SSC5D: variants seen among roughly 807,000 people sequenced by gnomAD.
The protein encoded by SSC5D is scavenger receptor cysteine rich family member with 5 domains, also known as soluble scavenger receptor cysteine-rich domain-containing protein SSC5D.
Under a neutral mutation model 104.6 loss-of-function variants are expected in SSC5D, and 106 were observed. That is an observed-to-expected ratio of 1.01 (90% CI 0.87 to 1.19). SSC5D has a LOEUF of 1.19. SSC5D is among the 50% of genes most tolerant of loss of function. The probability of loss-of-function intolerance (pLI) is 0.00; values close to 1 mark genes in which losing one functional copy is unlikely to be tolerated. For synonymous variants in SSC5D, 860 were observed against 883.5 expected (o/e 0.97, Z 0.47); for missense variants, 1,993 against 2,153.8 (o/e 0.93, Z 1.48).
In SSC5D at chr19:55,493,728, A is replaced by G. The variant is rs2123433046; in HGVS notation, c.1029A>G (p.Arg343=). The change falls in exon 7 of 14, where the codon CGA becomes CGG. Residue 343 remains arginine (R), a synonymous_variant. Coordinates refer to ENST00000389623, the MANE Select transcript of SSC5D (RefSeq NM_001144950.2). The part of the protein sequence containing the change: ...WDLRDAAVAC[R]ELGCGGALAA... ...TGCGAGACGCCGCTGTGGCCTGCCGAGAGCTGGGCTGCGGAGGGGCGCTGG... is the reference window on the plus strand; with the variant it reads ...TGCGAGACGCCGCTGTGGCCTGCCGGGAGCTGGGCTGCGGAGGGGCGCTGG... 6.6e-7 allele frequency: 1 copy of G among 1,520,176 alleles called. No homozygotes were observed. 94.2% of individuals were successfully genotyped at this position (1,520,176 alleles called of 1,614,324 possible). A position where few individuals can be genotyped will look rare whatever the true frequency, so the allele number is the denominator to read the frequency against.
intron 12 of SSC5D, among the ~76,000 whole-genome samples, chr19:55,510,043 G>A (rs1406682583): frequency 6.6e-6 from 1 of 151,928 alleles, no homozygotes; most frequent in Non-Finnish European, 1.5e-5. Flanking sequence ...TGTCACCCAG[G>A]CTGGGGTGCA....
chr19:55,501,701 T>TC (rs1297754557), intron 12 of SSC5D, among the ~76,000 whole-genome samples: 1 of 152,074 alleles, frequency 6.6e-6, no homozygotes, highest in African/African-American at 2.4e-5. Flanking sequence ...CACAGCTCCA[T>TC]CCCCCTCTGC....
chr19:55,496,753 T>C (rs879683641), intron 8 of SSC5D, among the ~76,000 whole-genome samples: 3 of 148,026 alleles, frequency 2.0e-5, no homozygotes, highest in African/African-American at 7.4e-5. Flanking sequence ...TACCAGTCTT[T>C]TTTTTTTTTT....
chr19:55,508,566 T>G (rs1987688238), intron 12 of SSC5D, among the ~76,000 whole-genome samples: 1 of 152,164 alleles, frequency 6.6e-6, no homozygotes, highest in African/African-American at 2.4e-5. Context: ...GACTCCAGAT[T>G]CCACACCCTT....
At chr19:55,512,195 G>C (rs1987771812) in intron 12 of SSC5D, among the ~76,000 whole-genome samples, 1 of 14,734 alleles carries the variant, frequency 6.8e-5, no homozygotes, top group African/African-American at 1.9e-4. Flanking sequence ...GTGAGACTTG[G>C]TCTCAAAAAA....
Position 55,518,619 on chromosome 19 carries a change from C to G in SSC5D, c.4343C>G (p.Pro1448Arg), listed in dbSNP as rs756691075. The G allele has an allele frequency of 2.0e-6, 3 of 1,530,776 alleles. No individual in the cohort carries two copies. The South Asian group carries it at 3.7e-5, about 19-fold the overall frequency. 94.8% of individuals were successfully genotyped at this position (1,530,776 alleles called of 1,614,324 possible). Residue 1448 changes from proline to arginine, a missense_variant, in exon 14 of 14, where the codon CCC becomes CGC. Around this residue, in one of 6 missense-constraint regions of SSC5D, gnomAD observed 349 missense variants for 397.6 expected, o/e 0.88. Coordinates refer to ENST00000389623, the MANE Select transcript of SSC5D (RefSeq NM_001144950.2). ...PDPLLSPTAHPLDHPPLDPLT... is the reference protein window; with the variant it reads ...PDPLLSPTAHRLDHPPLDPLT... The stretch of plus-strand genomic sequence containing the variant: ...CCCCTCCTTTCCCCCACAGCCCACC[C>G]CTTGGATCATCCTCCCCTTGACCCC...
Position 55,500,446 on chromosome 19 carries a change from G to A in SSC5D, c.2302+34G>A. On this transcript the variant is annotated intron_variant, in intron 10 of 13. Coordinates refer to ENST00000389623, the MANE Select transcript of SSC5D (RefSeq NM_001144950.2). This position sits in a 1 kb window ranked among gnomAD's most constrained non-coding sequence, Gnocchi z 4.6. Reference sequence around the variant, plus strand: ...CCGTGAGGGGTGTGGGGAGAGAATGGGAGAGGCTGACCCTCCCTCCTGACC... The same window carrying A: ...CCGTGAGGGGTGTGGGGAGAGAATGAGAGAGGCTGACCCTCCCTCCTGACC... The A allele has an allele frequency of 1.3e-6, 2 of 1,548,242 alleles. No individual in the cohort carries two copies. The highest frequency in any genetic ancestry group is 2.4e-5 in the South Asian group (2 of 83,854).
At chr19:55,509,478 T>C (rs1046115467) in intron 12 of SSC5D, among the ~76,000 whole-genome samples, 1 of 152,012 alleles carries the variant, frequency 6.6e-6, no homozygotes. Context: ...AACAGGAGCA[T>C]AGATTAATAC....
chr19:55,493,872 T>G lies in SSC5D; in HGVS notation c.1173T>G (p.His391Gln), dbSNP rs1484531363. 6.5e-7 allele frequency: 1 copy of G among 1,548,126 alleles called. No individual in the cohort carries two copies. The highest frequency in any genetic ancestry group is 1.2e-5 in the South Asian group (1 of 84,034). ...RFCPARPWGQHDCHHREDAGA... is the reference protein window; with the variant it reads ...RFCPARPWGQQDCHHREDAGA... ...GCCCAGCTCGGCCCTGGGGCCAGCA[T>G]GACTGTCACCACCGCGAGGACGCCG... Residue 391 changes from histidine to glutamine, a missense_variant, in exon 7 of 14, where the codon CAT becomes CAG. By Grantham distance (24) the His-to-Gln change is conservative. Transcript: ENST00000389623.
chr19:55,500,973 G>A lies in SSC5D; in HGVS notation c.2618-61G>A, dbSNP rs1275970988. 1.3e-6 allele frequency: 2 copies of A among 1,543,800 alleles called. No homozygotes were observed. The highest frequency in any genetic ancestry group is 2.7e-5 in the African/African-American group (2 of 72,956). On this transcript the variant is annotated intron_variant, in intron 11 of 13. Transcript: ENST00000389623. This position sits in a 1 kb window ranked among gnomAD's most constrained non-coding sequence, Gnocchi z 4.6. ...GAAGATTCCAAAAGGGGAGGGAAGA[G>A]CAGCAGCAAGGACCTCTGAGAAAGA...
intron 12 of SSC5D, among the ~76,000 whole-genome samples, chr19:55,505,472 A>C (rs1987619176): frequency 6.6e-6 from 1 of 151,816 alleles, no homozygotes; most frequent in African/African-American, 2.4e-5. Flanking sequence ...GGTTTAAAAC[A>C]ACGCAGACTT....
rs1987429657 is a variant in SSC5D, at chr19:55,499,960, C to A, written c.1850C>A (p.Thr617Asn). ...SVTASVLEKT[T>N]TKAPGKMPKS... is the part of the protein sequence containing the mutation. ...ACTGCCAGTGTTCTGGAGAAAACAA[C>A]CACGAAGGCCCCAGGGAAAATGCCT... Residue 617 changes from threonine (T) to asparagine (N), a missense_variant, in exon 10 of 14, where the codon ACC becomes AAC. By Grantham distance (65) the Thr-to-Asn change is moderately conservative. Coordinates refer to ENST00000389623, the MANE Select transcript of SSC5D (RefSeq NM_001144950.2). 6.4e-7 allele frequency: 1 copy of A among 1,551,934 alleles called. No individual in the cohort carries two copies. The highest frequency in any genetic ancestry group is 8.7e-7 in the Non-Finnish European group (1 of 1,147,066).
chr19:55,514,956 C>A (rs145119060), intron 13 of SSC5D, among the ~76,000 whole-genome samples: 1 of 152,146 alleles, frequency 6.6e-6, no homozygotes, highest in Admixed American at 6.6e-5. Context: ...GGTTTAAACT[C>A]GGACAGCCTG....
intron 9 of SSC5D, 60 bp from the exon 10 acceptor site, chr19:55,499,756 G>T: frequency 1.5e-6 from 2 of 1,342,650 alleles, no homozygotes; most frequent in East Asian, 5.0e-5. Flanking sequence ...AGGGGCCTGG[G>T]TAGATGATCT....
At position 55,490,242 on chromosome 19, in the gene SSC5D, G is replaced by A. The variant is rs199815510; in HGVS notation, c.476-56G>A. 27 of 674,466 alleles carry A rather than the reference G, an allele frequency of 4.0e-5. No individual in the cohort carries two copies. In the East Asian group the frequency reaches 7.5e-4, roughly 19 times the overall value. 41.8% of individuals were successfully genotyped at this position (674,466 alleles called of 1,614,324 possible). A position where few individuals can be genotyped will look rare whatever the true frequency, so the allele number is the denominator to read the frequency against. On this transcript the variant is annotated intron_variant, in intron 4 of 13. Transcript: ENST00000389623. Reference sequence around the variant, plus strand: ...TCAGAGACGGAGGCCTGGGCCCCCAGGTGGGAGGAAGGATGAGGGGCTCAG... The same window carrying A: ...TCAGAGACGGAGGCCTGGGCCCCCAAGTGGGAGGAAGGATGAGGGGCTCAG...
At chr19:55,498,658 C>T (rs776098570) in intron 9 of SSC5D, among the ~76,000 whole-genome samples, 26 of 152,206 alleles carry the variant, frequency 1.7e-4, no homozygotes, top group Admixed American at 1.6e-3. Context: ...GAGCCAGGTG[C>T]AGGGTCCTCA....
Position 55,500,493 on chromosome 19 carries a change from T to C in SSC5D, c.2306T>C (p.Leu769Pro). 6.4e-7 allele frequency: 1 copy of C among 1,551,388 alleles called. No individual in the cohort carries two copies. The highest frequency in any genetic ancestry group is 8.7e-7 in the Non-Finnish European group (1 of 1,146,782). ...GACCTAAGGGCCTTCCACGCAGGCCTGTTCCGGGTTCGTCTGGCCGATGGG... is the reference window on the plus strand; with the variant it reads ...GACCTAAGGGCCTTCCACGCAGGCCCGTTCCGGGTTCGTCTGGCCGATGGG... ...PSVSTTGESGLFRVRLADGPN... is the reference protein window; with the variant it reads ...PSVSTTGESGPFRVRLADGPN... Residue 769 changes from leucine (L) to proline (P), a missense_variant, in exon 11 of 14, where the codon CTG (leucine) becomes CCG (proline). By Grantham distance (98) the Leu-to-Pro change is moderately conservative (BLOSUM62 -3). This residue lies in a region of SSC5D where 1,101 missense variants were observed against 1,085.0 expected (regional missense o/e 1.01). Transcript: ENST00000389623. The surrounding 1 kb of genome is among the most constrained non-coding windows in gnomAD (Gnocchi z 4.6).
At position 55,503,141 on chromosome 19, in the gene SSC5D, A is replaced by C. The variant is rs1203262959; in HGVS notation, c.2785+1940A>C. ...TTTTTTGTCGAGATGGGTTCTCACTATGTTGCCCAGGCTGGTCTCAAACTC... is the reference window on the plus strand; with the variant it reads ...TTTTTTGTCGAGATGGGTTCTCACTCTGTTGCCCAGGCTGGTCTCAAACTC... On this transcript the variant is annotated intron_variant, in intron 12 of 13. Coordinates refer to ENST00000389623, the MANE Select transcript of SSC5D (RefSeq NM_001144950.2). The surrounding 1 kb of genome is among the most constrained non-coding windows in gnomAD (Gnocchi z 4.0). Among the ~76,000 whole-genome samples, 1 of 150,084 alleles carries C rather than the reference A, an allele frequency of 6.7e-6. No homozygotes were observed. The highest frequency in any genetic ancestry group is 1.5e-5 in the Non-Finnish European group (1 of 67,414).
In SSC5D at chr19:55,490,764, C is replaced by A. The variant is rs1987116488; in HGVS notation, c.587-8C>A. 3 of 1,508,680 alleles carry A rather than the reference C, an allele frequency of 2.0e-6. No individual in the cohort carries two copies. Among genetic ancestry groups the A allele is most frequent in the East Asian group, 2.5e-5 (1 of 40,666 alleles). 93.5% of individuals were successfully genotyped at this position (1,508,680 alleles called of 1,614,324 possible). ...GGCCACACCGTCCCCTCCCTGCTCA[C>A]CCCACAGAGCGGCTGCGCCTGGTCT... is the stretch of plus-strand genomic sequence containing the variant. On this transcript the variant is annotated splice_polypyrimidine_tract_variant and splice_region_variant and intron_variant, in intron 5 of 13. Transcript: ENST00000389623.
Sources: allele counts gnomAD v4.1 joint callset (sites outside exome capture counted in the v4.1 genomes callset), GRCh38; gene constraint gnomAD v4.1.1; regional missense constraint gnomAD v4.1.1; non-coding constraint Gnocchi (gnomAD v3.1); transcripts MANE v1.5; gene names NCBI Gene and HGNC (gene_info 2026-07-23, HGNC 2026-07-21).